PTPRK: variants seen among roughly 807,000 people sequenced by gnomAD.
The protein encoded by PTPRK is protein tyrosine phosphatase receptor type K, also known as receptor-type tyrosine-protein phosphatase kappa.
In PTPRK, 75 loss-of-function variants were observed where a neutral mutation model predicts 178.0. The ratio of observed to expected loss-of-function variants is 0.42; its 90% CI spans 0.35 to 0.51. The LOEUF (loss-of-function observed/expected upper bound fraction) is 0.51. Ranked by LOEUF, PTPRK falls within the 20% of genes least tolerant of loss-of-function variation. The pLI is 0.02. For synonymous variants in PTPRK, 637 were observed against 620.6 expected (o/e 1.03, Z -0.39); for missense variants, 1,441 against 1,797.8 (o/e 0.80, Z 3.59).
chr6:128,099,063 T>C (rs560319670), intron 7 of PTPRK, among the ~76,000 whole-genome samples: 56 of 151,960 alleles, frequency 3.7e-4, no homozygotes, highest in Admixed American at 3.3e-3. Context: ...CACTGCAATA[T>C]AACATTGATT....
At chr6:128,239,680 T>C (rs1435117888) in intron 5 of PTPRK, among the ~76,000 whole-genome samples, 1 of 152,150 alleles carries the variant, frequency 6.6e-6, no homozygotes, top group Non-Finnish European at 1.5e-5. Flanking sequence ...AGCTCCTACT[T>C]AACTCTTGTA....
intron 1 of PTPRK, among the ~76,000 whole-genome samples, chr6:128,478,661 T>C (rs1198487290): frequency 9.2e-5 from 14 of 152,142 alleles, no homozygotes; most frequent in Non-Finnish European, 1.5e-5. Context: ...TGACGATGCC[T>C]TGGGTGTTTG....
chr6:127,999,244 C>G (rs546978257), intron 15 of PTPRK, among the ~76,000 whole-genome samples: 1 of 152,134 alleles, frequency 6.6e-6, no homozygotes, highest in Non-Finnish European at 1.5e-5. Context: ...CCAGAGGACC[C>G]AGCTGTCAAG....
chr6:127,998,194 T>G (rs1777382420), intron 16 of PTPRK, among the ~76,000 whole-genome samples: 1 of 152,098 alleles, frequency 6.6e-6, no homozygotes, highest in East Asian at 1.9e-4. Context: ...CAGTGTTGTT[T>G]ACTAGATTTG....
At chr6:128,406,324 C>T (rs949385404) in intron 1 of PTPRK, among the ~76,000 whole-genome samples, 2 of 151,982 alleles carry the variant, frequency 1.3e-5, no homozygotes, top group South Asian at 4.1e-4. Flanking sequence ...AACCCCCTTG[C>T]ATATCAAAAT....
chr6:128,379,682 T>G (rs1837604268), intron 2 of PTPRK, among the ~76,000 whole-genome samples: 1 of 152,210 alleles, frequency 6.6e-6, no homozygotes, highest in Non-Finnish European at 1.5e-5. Context: ...GAACAATTTT[T>G]TATATTTCCA....
At chr6:128,126,761 T>A (rs924932862) in intron 7 of PTPRK, among the ~76,000 whole-genome samples, 1 of 152,324 alleles carries the variant, frequency 6.6e-6, no homozygotes, top group South Asian at 2.1e-4. Context: ...AGTGCTGAGG[T>A]TATAGGGGTG....
chr6:128,161,137 G>A (rs1772957560), intron 7 of PTPRK, among the ~76,000 whole-genome samples: 1 of 151,670 alleles, frequency 6.6e-6, no homozygotes, highest in Non-Finnish European at 1.5e-5. Flanking sequence ...CTTAGCCCAT[G>A]TTTAAGAACA....
rs564029141 is a variant in PTPRK, at chr6:128,067,743, C to T, written c.1933G>A (p.Glu645Lys). 2 of 1,613,152 alleles carry T rather than the reference C, an allele frequency of 1.2e-6. No individual in the cohort carries two copies. The highest frequency in any genetic ancestry group is 1.7e-6 in the Non-Finnish European group (2 of 1,179,404). ...TGGTAGCATTCCATGGCTCCGGCTT[C>T]TCTCTTGGTTCGGTGTGGGTGCAGT... ...EELHPHRTKR[E>K]AGAMECYQVP... The change falls in exon 12 of 30, where the codon GAA becomes AAA. Residue 645 changes from glutamate (E) to lysine (K), a missense_variant. This residue lies in a region of PTPRK where 945 missense variants were observed against 1,080.6 expected (regional missense o/e 0.87). Coordinates refer to ENST00000368226, the MANE Select transcript of PTPRK (RefSeq NM_002844.4).
intron 7 of PTPRK, among the ~76,000 whole-genome samples, chr6:128,126,773 C>A (rs1793450575): frequency 6.6e-6 from 1 of 152,146 alleles, no homozygotes; most frequent in Non-Finnish European, 1.5e-5. Context: ...ATAGGGGTGA[C>A]CCATGGCACT....
intron 2 of PTPRK, among the ~76,000 whole-genome samples, chr6:128,361,198 T>C (rs1385039723): frequency 6.6e-6 from 1 of 152,110 alleles, no homozygotes; most frequent in African/African-American, 2.4e-5. Flanking sequence ...GGCAAAACCA[T>C]ACATATAAAA....
At chr6:128,153,454 G>A (rs1460822705) in intron 7 of PTPRK, among the ~76,000 whole-genome samples, 1 of 151,830 alleles carries the variant, frequency 6.6e-6, no homozygotes, top group Non-Finnish European at 1.5e-5. Context: ...TATTAATTAA[G>A]GCATATTACA....
chr6:128,194,089 TA>T (rs1804435355), intron 6 of PTPRK, among the ~76,000 whole-genome samples: 1 of 147,228 alleles, frequency 6.8e-6, no homozygotes, highest in African/African-American at 2.5e-5. Context: ...TTATTATTAT[TA>T]TTATTATTAT....
chr6:127,992,618 T>C (rs983176961), intron 19 of PTPRK, 55 bp downstream of exon 19: 7 of 1,450,012 alleles, frequency 4.8e-6, no homozygotes, highest in Middle Eastern at 1.7e-4. Flanking sequence ...AACCACCACA[T>C]AGATGAATAA....
intron 3 of PTPRK, among the ~76,000 whole-genome samples, chr6:128,319,130 A>G (rs754027804): frequency 6.6e-6 from 1 of 152,204 alleles, no homozygotes; most frequent in Non-Finnish European, 1.5e-5. Context: ...AAAAATACAC[A>G]GTACAGTGGA....
At chr6:128,235,400 T>C (rs1813065493) in intron 5 of PTPRK, 1 of 207,178 alleles carries the variant, frequency 4.8e-6, no homozygotes, top group African/African-American at 2.4e-5. Flanking sequence ...CCAAATGCTT[T>C]TTATTATTTC....
intron 21 of PTPRK, among the ~76,000 whole-genome samples, chr6:127,989,364 T>G (rs558385689): frequency 5.5e-5 from 8 of 146,002 alleles, no homozygotes; most frequent in African/African-American, 2.0e-4. Flanking sequence ...ATCATGATTA[T>G]GTTGTTCTGT....
chr6:128,331,631 A>G (rs1188979538), intron 2 of PTPRK, among the ~76,000 whole-genome samples: 1 of 152,158 alleles, frequency 6.6e-6, no homozygotes, highest in Non-Finnish European at 1.5e-5. Flanking sequence ...TTTACATTCT[A>G]TTACTTCTTA....
intron 1 of PTPRK, among the ~76,000 whole-genome samples, chr6:128,435,867 A>G (rs775716689): frequency 9.9e-5 from 15 of 152,180 alleles, no homozygotes; most frequent in Non-Finnish European, 1.6e-4. Context: ...TCTAATAAAA[A>G]ATGAGTTCTC....
Sources: allele counts gnomAD v4.1 joint callset (sites outside exome capture counted in the v4.1 genomes callset), GRCh38; gene constraint gnomAD v4.1.1; regional missense constraint gnomAD v4.1.1; transcripts MANE v1.5; gene names NCBI Gene and HGNC (gene_info 2026-07-23, HGNC 2026-07-21).